The following HEPH variants were observed in gnomAD, a reference collection of about 807,000 sequenced individuals.
HEPH encodes the protein hephaestin.
In HEPH, 69 loss-of-function variants were observed where a neutral mutation model predicts 80.8. The observed-to-expected ratio is 0.85, with a 90% CI of 0.70 to 1.04. The LOEUF (loss-of-function observed/expected upper bound fraction) is 1.04, where lower values mean the gene tolerates loss of function less well. HEPH is among the 50% of genes least tolerant of loss of function. The probability of loss-of-function intolerance (pLI) is 0.00; values close to 1 mark genes in which losing one functional copy is unlikely to be tolerated. For missense variants in HEPH, 1,115 were observed against 891.3 expected (o/e 1.25, Z -3.20); for synonymous variants, 431 against 322.8 (o/e 1.34, Z -3.60).
Position 66,208,095 on chromosome X carries a change from A to T in HEPH, c.2432-20A>T. The T allele has an allele frequency of 8.9e-7, 1 of 1,126,829 alleles. No homozygotes were observed. Among genetic ancestry groups the T allele is most frequent in the Non-Finnish European group, 1.2e-6 (1 of 837,693 alleles). 92.9% of individuals were successfully genotyped at this position (1,126,829 alleles called of 1,213,427 possible). Reference sequence around the variant, plus strand: ...GCATTAATGAAACTTTATTTATTTAATTATTTTTGTTTACATTAGGTCCAC... The same window carrying T: ...GCATTAATGAAACTTTATTTATTTATTTATTTTTGTTTACATTAGGTCCAC... On this transcript the variant is annotated intron_variant, in intron 14 of 20. Transcript: ENST00000343002.
At chrX:66,212,676 A>G (rs2089191723) in intron 15 of HEPH, among the ~76,000 whole-genome samples, 1 of 111,398 alleles carries the variant, frequency 9.0e-6, no homozygotes, top group African/African-American at 3.3e-5. Context: ...TCATTGGTCT[A>G]TTTGTCTATT....
chrX:66,222,812 T>C (rs992386403), intron 15 of HEPH, among the ~76,000 whole-genome samples: 3 of 112,010 alleles, frequency 2.7e-5, no homozygotes, highest in African/African-American at 9.7e-5. Flanking sequence ...CCCCACAGGG[T>C]ATAACAAGGC....
At chrX:66,231,856 A>C (rs1322019206) in intron 15 of HEPH, among the ~76,000 whole-genome samples, 3 of 108,319 alleles carry the variant, frequency 2.8e-5, no homozygotes, top group Non-Finnish European at 5.7e-5. Flanking sequence ...GTCTTGTGCC[A>C]GTTTTCAAAG....
At chrX:66,233,378 T>C (rs2148027807) in intron 15 of HEPH, among the ~76,000 whole-genome samples, 1 of 111,604 alleles carries the variant, frequency 9.0e-6, no homozygotes, top group East Asian at 2.8e-4. Context: ...GCTTTGTTCA[T>C]GTCTGGTAAT....
chrX:66,257,409 G>T (rs965141796), intron 17 of HEPH, among the ~76,000 whole-genome samples: 19 of 111,864 alleles, frequency 1.7e-4, no homozygotes, highest in Admixed American at 1.5e-3. Context: ...TTGCATCTGA[G>T]GGGTAAATAA....
rs2088186149 is a variant in HEPH at position 66,197,795 on chromosome X, G to A, written c.1614G>A (p.Met538Ile). The change falls in exon 10 of 21, where the codon ATG (methionine) becomes ATA (isoleucine). Residue 538 changes from methionine (M) to isoleucine (I), a missense_variant. Physicochemically the swap from Met to Ile is conservative, Grantham distance 10 (BLOSUM62 1). This residue lies in a region of HEPH where 716 missense variants were observed against 523.5 expected (regional missense o/e 1.37). Coordinates refer to ENST00000343002, the MANE Select transcript of HEPH (RefSeq NM_001367233.3). ...AGGATCCTGCTTGTCTCACTTGGAT[G>A]TACTTCTCTGCTGCAGATCCCATAA... ...TAQDPACLTWMYFSAADPIRD... is the reference protein window; with the variant it reads ...TAQDPACLTWIYFSAADPIRD... 1 of 1,211,396 alleles carries A rather than the reference G, an allele frequency of 8.3e-7. No homozygotes were observed. The highest frequency in any genetic ancestry group is 1.1e-6 in the Non-Finnish European group (1 of 895,214).
At position 66,193,607 on chromosome X, in the gene HEPH, T is replaced by C. The variant is rs1347361157; in HGVS notation, c.1338T>C (p.His446=). The C allele has an allele frequency of 2.5e-6, 3 of 1,190,953 alleles. No individual in the cohort carries two copies. In the South Asian group the frequency reaches 5.6e-5, roughly 22 times the overall value. ...ATGAGACATTCCAAGAGAAGATGCA[T>C]TTGGAGGAAGATAGGCATCTTGGAA... ...FQDETFQEKM[H]LEEDRHLGIL... The change falls in exon 8 of 21, where the codon CAT becomes CAC. Residue 446 remains histidine, a synonymous_variant. Coordinates refer to ENST00000343002, the MANE Select transcript of HEPH (RefSeq NM_001367233.3).
rs761505291 is a variant in HEPH, at chrX:66,198,830, T to G, written c.1714-48T>G. On this transcript the variant is annotated intron_variant, in intron 10 of 20. Coordinates refer to ENST00000343002, the MANE Select transcript of HEPH (RefSeq NM_001367233.3). ...CTGTAACGACACAGTCTACAACTGC[T>G]GAAACTATTGTCATTATTCCCTCTA... is the stretch of plus-strand genomic sequence containing the variant. 4 of 1,010,649 alleles carry G rather than the reference T, an allele frequency of 4.0e-6. No individual in the cohort carries two copies. The South Asian group carries it at 8.1e-5, about 20-fold the overall frequency. The allele number at this position is 1,010,649 out of a possible 1,213,427, so 83.3% of individuals were successfully genotyped here. A position where few individuals can be genotyped will look rare whatever the true frequency, so the allele number is the denominator to read the frequency against.
chrX:66,268,143 A>G (rs2091581088), downstream of HEPH: 1 of 111,939 alleles, frequency 8.9e-6, no homozygotes, highest in Non-Finnish European at 1.9e-5. Flanking sequence ...GCAGGGATTC[A>G]TGTATTCATC....
At chrX:66,252,007 G>C (rs2091021475) in intron 15 of HEPH, among the ~76,000 whole-genome samples, 1 of 111,850 alleles carries the variant, frequency 8.9e-6, no homozygotes, top group Admixed American at 9.5e-5. Context: ...GAACAAGAGA[G>C]GTGGCTATTG....
intron 15 of HEPH, among the ~76,000 whole-genome samples, chrX:66,220,005 G>A (rs1337079980): frequency 2.7e-5 from 3 of 111,625 alleles, no homozygotes; most frequent in Non-Finnish European, 5.6e-5. Flanking sequence ...CGAGGCAGCT[G>A]AGTCTTCCCA....
Position 66,266,843 on chromosome X carries a change from A to G in HEPH, c.*171A>G. On this transcript the variant is annotated 3_prime_UTR_variant, in exon 21 of 21. Coordinates refer to ENST00000343002, the MANE Select transcript of HEPH (RefSeq NM_001367233.3). ...TTTATTTATTTTACATGGAAATAATATGATTTCACTTTTTCTTTAGTTTCT... is the reference window on the plus strand; with the variant it reads ...TTTATTTATTTTACATGGAAATAATGTGATTTCACTTTTTCTTTAGTTTCT... 2.3e-6 allele frequency: 1 copy of G among 426,352 alleles called. No individual in the cohort carries two copies. 35.1% of individuals were successfully genotyped at this position (426,352 alleles called of 1,213,427 possible).
chrX:66,210,439 T>C (rs1054193230), intron 15 of HEPH, among the ~76,000 whole-genome samples: 4 of 111,579 alleles, frequency 3.6e-5, no homozygotes, highest in African/African-American at 9.8e-5. Flanking sequence ...GCCCAAAGGC[T>C]AAAGTAAAGT....
chrX:66,204,933 A>G (rs749223152), intron 13 of HEPH, among the ~76,000 whole-genome samples: 6 of 112,078 alleles, frequency 5.4e-5, no homozygotes, highest in Middle Eastern at 4.6e-3. Flanking sequence ...TTGGACTTTT[A>G]TTATAGATTC....
intron 15 of HEPH, among the ~76,000 whole-genome samples, chrX:66,246,122 G>C (rs182299807): frequency 8.9e-6 from 1 of 112,093 alleles, no homozygotes; most frequent in African/African-American, 3.2e-5. Context: ...AGCAGGTGTA[G>C]CCTGTCTGTC....
intron 15 of HEPH, among the ~76,000 whole-genome samples, chrX:66,238,811 A>G (rs1332164610): frequency 1.8e-5 from 2 of 112,313 alleles, no homozygotes; most frequent in Non-Finnish European, 3.8e-5. Flanking sequence ...TTTATTAACA[A>G]CAAGCCAGTC....
chrX:66,266,418 A>AC, intron 20 of HEPH, 22 bp from the exon 21 acceptor site: 1 of 1,032,829 alleles, frequency 9.7e-7, no homozygotes, highest in South Asian at 2.1e-5. Context: ...CAGGATGCCC[A>AC]TTTTTTTTTT....
intron 1 of HEPH, 79 bp downstream of exon 1, chrX:66,164,549 G>T: frequency 5.9e-6 from 4 of 673,411 alleles, no homozygotes; most frequent in Non-Finnish European, 7.1e-6. Context: ...CTGGGTTTAA[G>T]GGAGTCCTGG....
chrX:66,188,522 G>A lies in HEPH; in HGVS notation c.789G>A (p.Gln263=). 1 of 1,209,054 alleles carries A rather than the reference G, an allele frequency of 8.3e-7. No homozygotes were observed. The highest frequency in any genetic ancestry group is 2.2e-5 in the Admixed American group (1 of 45,825). ...ASVDKEDETF[Q]ESNRMHAING... Reference sequence around the variant, plus strand: ...TGGACAAAGAAGATGAGACATTTCAGGAGAGCAATAGGATGCATGGTGAGT... The same window carrying A: ...TGGACAAAGAAGATGAGACATTTCAAGAGAGCAATAGGATGCATGGTGAGT... The change falls in exon 5 of 21, where the codon CAG becomes CAA. Residue 263 remains glutamine, a synonymous_variant. Transcript: ENST00000343002.
Sources: allele counts gnomAD v4.1 joint callset (sites outside exome capture counted in the v4.1 genomes callset), GRCh38; gene constraint gnomAD v4.1.1; regional missense constraint gnomAD v4.1.1; transcripts MANE v1.5; gene names NCBI Gene and HGNC (gene_info 2026-07-23, HGNC 2026-07-21).